TMEM161B: variants seen among roughly 807,000 people sequenced by gnomAD.
TMEM161B encodes transmembrane protein 161B.
In TMEM161B, 34 loss-of-function variants were observed where a neutral mutation model predicts 61.8. The observed-to-expected ratio is 0.55, with a 90% CI of 0.42 to 0.73. The LOEUF is 0.73. Among genes scored for constraint, TMEM161B ranks in the 30% least tolerant of loss-of-function variants. The probability of loss-of-function intolerance (pLI) is 0.00; values close to 1 mark genes in which losing one functional copy is unlikely to be tolerated. For missense variants in TMEM161B, 456 were observed against 558.5 expected (o/e 0.82, Z 1.85); for synonymous variants, 167 against 192.8 (o/e 0.87, Z 1.11).
exon 13 of TMEM161B, chr5:88,189,748 TATG>T (rs1748598076): frequency 4.1e-6 from 1 of 246,800 alleles, no homozygotes; most frequent in African/African-American, 2.2e-5. Context: ...GGAGGGGGCC[TATG>T]ATATAGTATT....
At position 88,197,672 on chromosome 5, in the gene TMEM161B, G is replaced by C. The variant is rs761819460; in HGVS notation, c.1183C>G (p.Leu395Val). The C allele has an allele frequency of 1.2e-6, 2 of 1,612,036 alleles. No homozygotes were observed. Among genetic ancestry groups the C allele is most frequent in the East Asian group, 2.2e-5 (1 of 44,752 alleles). ...LLHTTLLLKT[L>V]GNHSWGIYPE... The stretch of plus-strand genomic sequence containing the variant: ...CTAGTTGCCAGGGCATGCCTACCTA[G>C]TGTTTTCAAAAGCAGAGTTGTGTGA... The change falls in exon 11 of 12, where the codon CTA (leucine) becomes GTA (valine). Residue 395 changes from leucine (L) to valine (V), a missense_variant. Leu to Val is a conservative substitution (Grantham distance 32). Coordinates refer to ENST00000296595, the MANE Select transcript of TMEM161B (RefSeq NM_153354.5).
intron 1 of TMEM161B, among the ~76,000 whole-genome samples, chr5:88,260,075 G>T (rs1253953088): frequency 6.6e-6 from 1 of 152,118 alleles, no homozygotes; most frequent in Non-Finnish European, 1.5e-5. Flanking sequence ...ACTTCATAAA[G>T]ATTTAAATGA....
intron 1 of TMEM161B, among the ~76,000 whole-genome samples, chr5:88,264,903 G>A (rs1756168556): frequency 6.6e-6 from 1 of 151,930 alleles, no homozygotes; most frequent in Non-Finnish European, 1.5e-5. Context: ...TGGACACAGA[G>A]GGGGTAACAT....
At chr5:88,186,347 A>G (rs574777317), downstream of TMEM161B, among the ~76,000 whole-genome samples, 5 of 152,320 alleles carry the variant, frequency 3.3e-5, no homozygotes, top group East Asian at 9.6e-4. Flanking sequence ...CCAATGATCA[A>G]AGAACCTGAA....
At chr5:88,205,544 C>T (rs1041575773) in intron 8 of TMEM161B, among the ~76,000 whole-genome samples, 2 of 151,236 alleles carry the variant, frequency 1.3e-5, no homozygotes, top group African/African-American at 4.9e-5. Context: ...CAGTATAAGC[C>T]CCTGAATTAG....
At chr5:88,202,636 TAAAAC>T (rs982293386) in intron 9 of TMEM161B, 35 of 242,266 alleles carry the variant, frequency 1.4e-4, no homozygotes, top group Non-Finnish European at 2.5e-4. Context: ...TTTTCAAAAT[TAAAAC>T]AAAAGAACTC....
At chr5:88,187,065 A>AT (rs1319612973), downstream of TMEM161B, among the ~76,000 whole-genome samples, 1 of 152,176 alleles carries the variant, frequency 6.6e-6, no homozygotes, top group Non-Finnish European at 1.5e-5. Flanking sequence ...ATTGAGGTTC[A>AT]TTTTTTTAAA....
At chr5:88,238,384 G>C (rs1752207256) in intron 2 of TMEM161B, among the ~76,000 whole-genome samples, 1 of 151,722 alleles carries the variant, frequency 6.6e-6, no homozygotes, top group Non-Finnish European at 1.5e-5. Context: ...GATACCAATG[G>C]AATAAATGAA....
intron 1 of TMEM161B, among the ~76,000 whole-genome samples, chr5:88,252,929 A>T (rs1754523061): frequency 6.6e-6 from 1 of 152,186 alleles, no homozygotes; most frequent in Non-Finnish European, 1.5e-5. Context: ...TGTCTTAATG[A>T]TATACTGGAA....
rs889065942 is a variant in TMEM161B, at chr5:88,205,892, G to A, written c.722C>T (p.Ala241Val). Reference sequence around the variant, plus strand: ...TCGTAATCCAGGAAATGTCAAAAAAGCCCCAATGAATGAACAGAAAATAGC... The same window carrying A: ...TCGTAATCCAGGAAATGTCAAAAAAACCCCAATGAATGAACAGAAAATAGC... ...FLAIFCSFIG[A>V]FLTFPGLRLA... is the part of the protein sequence containing the mutation. The change falls in exon 8 of 12, where the codon GCT becomes GTT. Residue 241 changes from alanine (A) to valine (V), a missense_variant. Ala to Val is a moderately conservative substitution (Grantham distance 64). Transcript: ENST00000296595. 6.2e-7 allele frequency: 1 copy of A among 1,612,424 alleles called. No homozygotes were observed. Among genetic ancestry groups the A allele is most frequent in the African/African-American group, 1.3e-5 (1 of 74,854 alleles).
intron 11 of TMEM161B, 99 bp downstream of exon 11, chr5:88,197,570 A>G: frequency 9.9e-7 from 1 of 1,005,312 alleles, no homozygotes; most frequent in South Asian, 1.7e-5. Flanking sequence ...TAAAAAGAGA[A>G]ACAATTTTAA....
At chr5:88,225,026 G>A (rs1749778976) in intron 4 of TMEM161B, among the ~76,000 whole-genome samples, 1 of 144,564 alleles carries the variant, frequency 6.9e-6, no homozygotes, top group Non-Finnish European at 1.5e-5. Flanking sequence ...GGAGTGCGGT[G>A]GTGCGATCTC....
chr5:88,262,521 T>C (rs970920216), intron 1 of TMEM161B, among the ~76,000 whole-genome samples: 5 of 152,140 alleles, frequency 3.3e-5, no homozygotes, highest in South Asian at 2.1e-4. Context: ...AGTAGGTGAA[T>C]AGATAAACTG....
chr5:88,234,979 G>C (rs777940680), intron 2 of TMEM161B, among the ~76,000 whole-genome samples: 17 of 152,058 alleles, frequency 1.1e-4, no homozygotes, highest in Non-Finnish European at 2.4e-4. Context: ...CTACTTGGTG[G>C]CTTTTTTCAC....
chr5:88,190,222 G>C (rs1003822893), downstream of TMEM161B: 3 of 700,940 alleles, frequency 4.3e-6, no homozygotes. Context: ...CCATAAGCTT[G>C]CATGCCGGGT....
At chr5:88,242,358 C>T (rs1299487581) in intron 1 of TMEM161B, among the ~76,000 whole-genome samples, 1 of 146,542 alleles carries the variant, frequency 6.8e-6, no homozygotes, top group East Asian at 2.6e-4. Context: ...ATATTCCTTG[C>T]TTTATTACTA....
chr5:88,189,217 C>CT (rs879389120), downstream of TMEM161B, among the ~76,000 whole-genome samples: 37 of 149,180 alleles, frequency 2.5e-4, no homozygotes, highest in Non-Finnish European at 2.8e-4. Context: ...ACTATTTTAA[C>CT]TTTTTTTTTT....
At chr5:88,261,635 G>A (rs1755690547) in intron 1 of TMEM161B, among the ~76,000 whole-genome samples, 1 of 134,042 alleles carries the variant, frequency 7.5e-6, no homozygotes, top group Non-Finnish European at 1.6e-5. Flanking sequence ...ATAGTCAAAT[G>A]ATCTTTGACA....
Position 88,196,260 on chromosome 5 carries a change from G to C in TMEM161B, c.1415C>G (p.Ser472Cys), listed in dbSNP as rs1459577130. The change falls in exon 12 of 12, where the codon TCT becomes TGT. Residue 472 changes from serine (S) to cysteine (C), a missense_variant. Ser to Cys is a moderately radical substitution (Grantham distance 112). Around this residue, in one of 3 missense-constraint regions of TMEM161B, gnomAD observed 367 missense variants for 427.3 expected, o/e 0.86. Coordinates refer to ENST00000296595, the MANE Select transcript of TMEM161B (RefSeq NM_153354.5). ...LTWWIAACLFSTSLFGLFYHQ... is the reference protein window; with the variant it reads ...LTWWIAACLFCTSLFGLFYHQ... ...ATAGAAAAGCCCAAAAAGGCTTGTAGAAAAGAGGCAAGCAGCAATCCACCA... is the reference window on the plus strand; with the variant it reads ...ATAGAAAAGCCCAAAAAGGCTTGTACAAAAGAGGCAAGCAGCAATCCACCA... The C allele has an allele frequency of 6.2e-7, 1 of 1,612,874 alleles. No individual in the cohort carries two copies. The highest frequency in any genetic ancestry group is 8.5e-7 in the Non-Finnish European group (1 of 1,179,366).
Sources: gnomAD v4.1 joint callset for allele counts (sites outside exome capture counted in the v4.1 genomes callset) on GRCh38, gnomAD v4.1.1 for gene constraint, gnomAD v4.1.1 regional missense constraint, MANE v1.5 for transcripts, NCBI Gene and HGNC (gene_info 2026-07-23, HGNC 2026-07-21) for gene names.